PRDM12: variants seen among roughly 807,000 people sequenced by gnomAD.
The protein encoded by PRDM12 is PR/SET domain 12.
Under a neutral mutation model 29.6 loss-of-function variants are expected in PRDM12, and 17 were observed. The ratio of observed to expected loss-of-function variants is 0.57; its 90% CI spans 0.39 to 0.86. The LOEUF (loss-of-function observed/expected upper bound fraction) is 0.86. Ranked by LOEUF, PRDM12 falls within the 40% of genes least tolerant of loss-of-function variation. The pLI is 0.00. For missense variants in PRDM12, 422 were observed against 510.8 expected, an observed-to-expected ratio of 0.83 and a Z score of 1.68; for synonymous variants, 231 against 225.8, an observed-to-expected ratio of 1.02 and a Z score of -0.21.
intron 4 of PRDM12, among the ~76,000 whole-genome samples, chr9:130,680,623 TAAAAAAAAAAA>T: frequency 1.3e-5 from 1 of 78,976 alleles, no homozygotes; most frequent in South Asian, 5.0e-4. Flanking sequence ...AGACTCCGTC[TAAAAAAAAAAA>T]ATATATATAT....
chr9:130,676,860 C>A (rs1158322826), intron 3 of PRDM12, among the ~76,000 whole-genome samples: 1 of 152,120 alleles, frequency 6.6e-6, no homozygotes, highest in Non-Finnish European at 1.5e-5. Context: ...CACCTAAGCC[C>A]CCTCACACTC....
At chr9:130,680,514 T>C (rs1440426715) in intron 4 of PRDM12, among the ~76,000 whole-genome samples, 1 of 149,308 alleles carries the variant, frequency 6.7e-6, no homozygotes, top group African/African-American at 2.5e-5. Flanking sequence ...ACACCTGTAT[T>C]CCCAGGGAAG....
Position 130,668,290 on chromosome 9 carries a change from A to G in PRDM12, c.547A>G (p.Ser183Gly), listed in dbSNP as rs771499462. The G allele has an allele frequency of 3.7e-6, 6 of 1,614,080 alleles. No individual in the cohort carries two copies. In the East Asian group the frequency reaches 1.1e-4, roughly 30 times the overall value. ...QNLEVVQIGT[S>G]IFYKAIEMIP... ...CCTGGAGGTGGTCCAGATCGGCACCAGCATCTTCTACAAGGCCATTGAGGT... is the reference window on the plus strand; with the variant it reads ...CCTGGAGGTGGTCCAGATCGGCACCGGCATCTTCTACAAGGCCATTGAGGT... The change falls in exon 3 of 5, where the codon AGC becomes GGC. Residue 183 changes from serine to glycine, a missense_variant. By Grantham distance (56) the Ser-to-Gly change is moderately conservative (BLOSUM62 0). Coordinates refer to ENST00000253008, the MANE Select transcript of PRDM12 (RefSeq NM_021619.3). This position sits in a 1 kb window ranked among gnomAD's most constrained non-coding sequence, Gnocchi z 4.0.
intron 3 of PRDM12, among the ~76,000 whole-genome samples, chr9:130,675,891 G>A (rs1830837842): frequency 6.6e-6 from 1 of 152,146 alleles, no homozygotes; most frequent in South Asian, 2.1e-4. Flanking sequence ...TGGAAACCAA[G>A]GGTCAGGACA....
At chr9:130,676,376 G>A (rs1206838185) in intron 3 of PRDM12, among the ~76,000 whole-genome samples, 3 of 152,046 alleles carry the variant, frequency 2.0e-5, no homozygotes, top group African/African-American at 7.2e-5. Context: ...GGCACCTGTA[G>A]TCCCAGCTAC....
intron 3 of PRDM12, among the ~76,000 whole-genome samples, chr9:130,673,981 C>CT (rs1433234086): frequency 6.0e-5 from 8 of 133,292 alleles, no homozygotes; most frequent in Non-Finnish European, 1.3e-4. Flanking sequence ...ATTATTTTTT[C>CT]TTTTTGTTTT....
intron 3 of PRDM12, 62 bp from the exon 4 acceptor site, chr9:130,678,467 A>T: frequency 8.3e-7 from 1 of 1,206,986 alleles, no homozygotes; most frequent in Non-Finnish European, 1.2e-6. Flanking sequence ...GTGCTCAGAG[A>T]CCCCCAACTC....
At chr9:130,667,532 C>G (rs1185438680) in intron 2 of PRDM12, among the ~76,000 whole-genome samples, 1 of 24,014 alleles carries the variant, frequency 4.2e-5, no homozygotes, top group Non-Finnish European at 7.9e-5. Context: ...CCCACTCCAG[C>G]TCCCCCCGGC....
Position 130,681,909 on chromosome 9 carries a change from C to A in PRDM12, c.*240C>A. 4.4e-6 allele frequency: 1 copy of A among 226,344 alleles called. No homozygotes were observed. Among genetic ancestry groups the A allele is most frequent in the Non-Finnish European group, 7.3e-6 (1 of 136,126 alleles). The allele number at this position is 226,344 out of a possible 1,614,324, so 14.0% of individuals were successfully genotyped here. On this transcript the variant is annotated 3_prime_UTR_variant, in exon 5 of 5. Coordinates refer to ENST00000253008, the MANE Select transcript of PRDM12 (RefSeq NM_021619.3). The surrounding 1 kb of genome is among the most constrained non-coding windows in gnomAD (Gnocchi z 8.1). ...GCAGCTGGTGCGGCTGTTCGGCCGC[C>A]TCCTCTGGGAGGGGGTCCCCCTGCC...
intron 2 of PRDM12, among the ~76,000 whole-genome samples, chr9:130,667,321 C>T (rs932518505): frequency 6.6e-5 from 10 of 152,302 alleles, no homozygotes; most frequent in African/African-American, 2.2e-4. Flanking sequence ...CCTGCAGTCA[C>T]GGATGACCTC....
chr9:130,672,275 C>T (rs1221287472), intron 3 of PRDM12, among the ~76,000 whole-genome samples: 1 of 152,232 alleles, frequency 6.6e-6, no homozygotes. Context: ...AATCTTGGCT[C>T]ACTGCAACCC....
At chr9:130,676,023 C>T (rs990883434) in intron 3 of PRDM12, among the ~76,000 whole-genome samples, 4 of 152,204 alleles carry the variant, frequency 2.6e-5, no homozygotes, top group South Asian at 4.1e-4. Flanking sequence ...TAAGGTCACA[C>T]ATGGACCTGG....
chr9:130,668,351 C>A lies in PRDM12; in HGVS notation c.570+38C>A. The A allele has an allele frequency of 6.2e-7, 1 of 1,606,416 alleles. No homozygotes were observed. Among genetic ancestry groups the A allele is most frequent in the Non-Finnish European group, 8.5e-7 (1 of 1,174,568 alleles). ...GTGTGCACTGTTGTGTAGGGACCAG[C>A]CGGTAAACCCGGCGGGGGGAGGTGT... On this transcript the variant is annotated intron_variant, in intron 3 of 4. Coordinates refer to ENST00000253008, the MANE Select transcript of PRDM12 (RefSeq NM_021619.3). This position sits in a 1 kb window ranked among gnomAD's most constrained non-coding sequence, Gnocchi z 4.0.
chr9:130,666,914 C>T, intron 2 of PRDM12, 116 bp downstream of exon 2: 2 of 1,336,646 alleles, frequency 1.5e-6, no homozygotes, highest in Non-Finnish European at 2.0e-6. Context: ...GCGGACACTC[C>T]TGGCCTGGAC....
At chr9:130,680,659 A>ATTTTTTTTTTTTTTTTTT (rs767033169) in intron 4 of PRDM12, among the ~76,000 whole-genome samples, 3 of 72,196 alleles carry the variant, frequency 4.2e-5, no homozygotes, top group African/African-American at 2.3e-4. Flanking sequence ...ATATATATAT[A>ATTTTTTTTTTTTTTTTTT]TTTTTTTTTT....
At chr9:130,666,829 G>A in intron 2 of PRDM12, 31 bp downstream of exon 2, 1 of 1,554,804 alleles carries the variant, frequency 6.4e-7, no homozygotes, top group Non-Finnish European at 8.7e-7. Flanking sequence ...AGGGGCGCAA[G>A]GGCCGGCGAG....
chr9:130,680,659 A>ATATATTTTTTT, intron 4 of PRDM12, among the ~76,000 whole-genome samples: 26 of 72,166 alleles, frequency 3.6e-4, no homozygotes, highest in African/African-American at 2.0e-3. Context: ...ATATATATAT[A>ATATATTTTTTT]TTTTTTTTTT....
rs771813935 is a variant in PRDM12, at chr9:130,678,603, G to A, written c.645G>A (p.Val215=). Residue 215 remains valine (V), a synonymous_variant, in exon 4 of 5, where the codon GTG becomes GTA. Transcript: ENST00000253008. ...SHNTFLGIPG[V]PGLEEDQKKN... ...ACACCTTCCTGGGGATCCCAGGTGT[G>A]CCCGGGCTAGAGGAGGACCAGAAAA... 6.8e-6 allele frequency: 11 copies of A among 1,613,256 alleles called. No individual in the cohort carries two copies. Among genetic ancestry groups the A allele is most frequent in the East Asian group, 2.2e-5 (1 of 44,810 alleles).
At chr9:130,680,659 A>ATTTTATATATATT in intron 4 of PRDM12, among the ~76,000 whole-genome samples, 1 of 72,200 alleles carries the variant, frequency 1.4e-5, no homozygotes, top group Non-Finnish European at 2.2e-5. Context: ...ATATATATAT[A>ATTTTATATATATT]TTTTTTTTTT....
Sources: allele counts gnomAD v4.1 joint callset (sites outside exome capture counted in the v4.1 genomes callset), GRCh38; gene constraint gnomAD v4.1.1; non-coding constraint Gnocchi (gnomAD v3.1); transcripts MANE v1.5; gene names NCBI Gene and HGNC (gene_info 2026-07-23, HGNC 2026-07-21).